Variants in PTPA observed in about 807,000 individuals in gnomAD.
PTPA encodes serine/threonine-protein phosphatase 2A activator.
A neutral mutation model predicts 43.6 loss-of-function variants in PTPA; 13 were observed. The observed-to-expected ratio is 0.30, with a 90% CI of 0.19 to 0.47. The LOEUF (loss-of-function observed/expected upper bound fraction) is 0.47, where lower values mean the gene tolerates loss of function less well. Ranked by LOEUF, PTPA falls within the 20% of genes least tolerant of loss-of-function variation. PTPA has a pLI of 0.99. For missense variants in PTPA, 329 were observed against 411.9 expected (o/e 0.80, Z 1.74); for synonymous variants, 172 against 158.2 (o/e 1.09, Z -0.66).
chr9:129,122,396 C>G (rs1564187000), intron 2 of PTPA, among the ~76,000 whole-genome samples: 1 of 152,334 alleles, frequency 6.6e-6, no homozygotes, highest in Middle Eastern at 3.4e-3. Flanking sequence ...AGCCACAATA[C>G]CTGACCCTCA....
intron 9 of PTPA, chr9:129,143,167 G>T (rs1183370848): frequency 1.1e-5 from 7 of 616,054 alleles, no homozygotes; most frequent in African/African-American, 3.7e-5. Context: ...TGCCCTCTTG[G>T]CACTGTTCTC....
chr9:129,136,803 A>C (rs1027174511), intron 7 of PTPA, among the ~76,000 whole-genome samples: 2 of 152,122 alleles, frequency 1.3e-5, no homozygotes, highest in Admixed American at 1.3e-4. Flanking sequence ...GGGCTGGAGG[A>C]GGCGGAGGCC....
intron 8 of PTPA, chr9:129,140,268 A>C (rs1205431736): frequency 6.6e-6 from 1 of 152,632 alleles, no homozygotes; most frequent in Non-Finnish European, 1.5e-5. Flanking sequence ...TGTGGCTAGA[A>C]TGAGCTAATT....
intron 2 of PTPA, among the ~76,000 whole-genome samples, chr9:129,122,583 A>T (rs1849315716): frequency 6.6e-6 from 1 of 151,956 alleles, no homozygotes; most frequent in Admixed American, 6.6e-5. Flanking sequence ...ACTTGGTGGT[A>T]CTCCTTGAAT....
intron 2 of PTPA, among the ~76,000 whole-genome samples, 189 bp downstream of exon 2, chr9:129,120,799 A>C (rs28365574): frequency 6.6e-6 from 1 of 152,238 alleles, no homozygotes; most frequent in East Asian, 1.9e-4. Flanking sequence ...CTTTATCAGG[A>C]AGGTTGCCTA....
intron 3 of PTPA, among the ~76,000 whole-genome samples, chr9:129,127,331 T>C (rs979629792): frequency 6.6e-6 from 1 of 152,226 alleles, no homozygotes; most frequent in Non-Finnish European, 1.5e-5. Flanking sequence ...AGCTCTTGGC[T>C]GAGTCTTTGC....
chr9:129,129,236 C>A, intron 4 of PTPA, 126 bp downstream of exon 4: 3 of 1,332,998 alleles, frequency 2.3e-6, no homozygotes, highest in Non-Finnish European at 3.0e-6. Context: ...GTTAAAATGT[C>A]AATTTCACTT....
chr9:129,126,569 T>C (rs536165293), intron 3 of PTPA, among the ~76,000 whole-genome samples: 1 of 152,306 alleles, frequency 6.6e-6, no homozygotes, highest in East Asian at 1.9e-4. Context: ...AAGAGATTTA[T>C]TTTTGTTGTT....
intron 6 of PTPA, among the ~76,000 whole-genome samples, chr9:129,136,217 T>G (rs1850358109): frequency 6.6e-6 from 1 of 152,178 alleles, no homozygotes; most frequent in Non-Finnish European, 1.5e-5. Context: ...TCCGCCTGCC[T>G]CGGCCTCCCA....
rs199858563 is a variant in PTPA at position 129,142,876 on chromosome 9, G to C, written c.894+324G>C. ...CTTCTCCTTTATCAAGTGGCCAAAG[G>C]CTCCTCAAAGCTCGGGCAGTCTGAG... On this transcript the variant is annotated intron_variant, in intron 9 of 9. Coordinates refer to ENST00000393370, the MANE Select transcript of PTPA (RefSeq NM_178000.3). 45 of 1,510,032 alleles carry C rather than the reference G, an allele frequency of 3.0e-5. No homozygotes were observed. In the East Asian group the frequency reaches 9.1e-4, roughly 31 times the overall value. 93.5% of individuals were successfully genotyped at this position (1,510,032 alleles called of 1,614,324 possible).
chr9:129,128,416 G>A (rs1004755651), intron 3 of PTPA, among the ~76,000 whole-genome samples: 1 of 151,646 alleles, frequency 6.6e-6, no homozygotes, highest in South Asian at 2.1e-4. Context: ...TGCGCCTTTA[G>A]TCCCAGCTAC....
intron 3 of PTPA, chr9:129,128,172 T>C: frequency 1.5e-6 from 1 of 652,800 alleles, no homozygotes; most frequent in Non-Finnish European, 2.5e-6. Context: ...TAGCTGGGGT[T>C]TGAATCCAGG....
chr9:129,123,557 G>A (rs1164841871), intron 3 of PTPA, among the ~76,000 whole-genome samples: 5 of 151,918 alleles, frequency 3.3e-5, no homozygotes. Context: ...AAATACATGT[G>A]CACTTCACAT....
At chr9:129,131,385 C>T in intron 4 of PTPA, 137 bp from the exon 5 acceptor site, 1 of 690,160 alleles carries the variant, frequency 1.4e-6, no homozygotes, top group Non-Finnish European at 2.6e-6. Flanking sequence ...CCCCTTCCTT[C>T]TGTGGCCTGT....
Position 129,123,132 on chromosome 9 carries a change from C to T in PTPA, c.210C>T (p.Val70=), listed in dbSNP as rs1849363785. 1.2e-6 allele frequency: 2 copies of T among 1,608,066 alleles called. No individual in the cohort carries two copies. The highest frequency in any genetic ancestry group is 1.7e-5 in the Admixed American group (1 of 59,992). The change falls in exon 3 of 10, where the codon GTC becomes GTT. Residue 70 remains valine (V), a synonymous_variant. Transcript: ENST00000393370. The part of the protein sequence containing the change: ...KGKKLTFEYR[V]SEAIEKLVAL... ...AGAAGCTGACCTTCGAGTACAGAGT[C>T]TCCGAGGTAGGCCCAAGGAGGAGCT...
intron 5 of PTPA, among the ~76,000 whole-genome samples, chr9:129,132,617 G>T (rs1419743981): frequency 6.6e-6 from 1 of 152,004 alleles, no homozygotes; most frequent in African/African-American, 2.4e-5. Flanking sequence ...TATTCTGCTG[G>T]GACTATAGGC....
At chr9:129,118,883 G>T (rs1400460490) in intron 1 of PTPA, 1 of 150,358 alleles carries the variant, frequency 6.7e-6, no homozygotes, top group Non-Finnish European at 1.5e-5. Flanking sequence ...ATAGATTCCT[G>T]TAAGTAGACC....
At chr9:129,111,393 G>C, upstream of PTPA, 1 of 1,238,374 alleles carries the variant, frequency 8.1e-7, no homozygotes, top group African/African-American at 1.6e-5. Flanking sequence ...CCGTTAATAG[G>C]CTTGCTCCCT....
chr9:129,143,250 C>T (rs907285209), intron 9 of PTPA: 1 of 697,518 alleles, frequency 1.4e-6, no homozygotes, highest in Non-Finnish European at 2.6e-6. Flanking sequence ...GTCCCTTCTG[C>T]TAGCTCCTCC....
Sources: allele counts gnomAD v4.1 joint callset (sites outside exome capture counted in the v4.1 genomes callset), GRCh38; gene constraint gnomAD v4.1.1; transcripts MANE v1.5; gene names NCBI Gene and HGNC (gene_info 2026-07-23, HGNC 2026-07-21).